Variants in PCDH11X observed in about 807,000 individuals in gnomAD.
PCDH11X encodes the protein protocadherin-11 X-linked.
Under a neutral mutation model 53.3 loss-of-function variants are expected in PCDH11X, and 18 were observed. The ratio of observed to expected loss-of-function variants is 0.34; its 90% confidence interval spans 0.23 to 0.50. The LOEUF (loss-of-function observed/expected upper bound fraction) is 0.50, where lower values mean the gene tolerates loss of function less well. Among genes scored for constraint, PCDH11X ranks in the 20% least tolerant of loss-of-function variants. The pLI is 0.98. For synonymous variants in PCDH11X, 279 were observed against 393.3 expected, an observed-to-expected ratio of 0.71 and a Z score of 3.44; for missense variants, 570 against 1,032.4, an observed-to-expected ratio of 0.55 and a Z score of 6.14.
intron 5 of PCDH11X, among the ~76,000 whole-genome samples, chrX:91,859,044 T>C (rs1189658504): frequency 9.3e-6 from 1 of 107,987 alleles, no homozygotes; most frequent in Non-Finnish European, 1.9e-5. Context: ...CTGGGTAATT[T>C]ATAAAGAAAA....
At chrX:92,089,246 A>G (rs2064007335) in intron 6 of PCDH11X, among the ~76,000 whole-genome samples, 2 of 111,566 alleles carry the variant, frequency 1.8e-5, no homozygotes, top group Admixed American at 9.6e-5. Flanking sequence ...ATATCCATTC[A>G]TTAAAACTGA....
intron 7 of PCDH11X, among the ~76,000 whole-genome samples, chrX:92,219,276 A>G (rs2066806094): frequency 9.0e-6 from 1 of 110,956 alleles, no homozygotes; most frequent in African/African-American, 3.3e-5. Context: ...TGCAGATGAC[A>G]TGATTGTATA....
At chrX:92,500,999 A>G (rs2073950170) in intron 10 of PCDH11X, among the ~76,000 whole-genome samples, 1 of 111,409 alleles carries the variant, frequency 9.0e-6, no homozygotes. Flanking sequence ...AAAGAAGAAT[A>G]GAAAGAATAA....
At chrX:92,563,065 T>G (rs1370632809) in intron 10 of PCDH11X, among the ~76,000 whole-genome samples, 2 of 83,474 alleles carry the variant, frequency 2.4e-5, no homozygotes, top group Admixed American at 1.4e-4. Context: ...TTTTTTTTTT[T>G]TTTTTTTTTT....
At chrX:92,172,835 A>G (rs945626365) in intron 6 of PCDH11X, among the ~76,000 whole-genome samples, 5 of 111,934 alleles carry the variant, frequency 4.5e-5, no homozygotes, top group Non-Finnish European at 9.4e-5. Flanking sequence ...TTTTACATGC[A>G]TGGAAGTATC....
At chrX:91,814,202 A>G (rs1307768927) in intron 4 of PCDH11X, among the ~76,000 whole-genome samples, 1 of 110,926 alleles carries the variant, frequency 9.0e-6, no homozygotes, top group Non-Finnish European at 1.9e-5. Flanking sequence ...TTAAAAATTT[A>G]AATATTAATT....
intron 6 of PCDH11X, among the ~76,000 whole-genome samples, chrX:91,886,970 CAA>C (rs1179014012): frequency 3.9e-5 from 2 of 50,693 alleles, no homozygotes; most frequent in African/African-American, 1.0e-4. Context: ...GACTCCATCT[CAA>C]AAAAAAAAAA....
intron 5 of PCDH11X, among the ~76,000 whole-genome samples, chrX:91,841,506 G>A (rs1367182440): frequency 3.6e-5 from 4 of 111,390 alleles, no homozygotes; most frequent in Non-Finnish European, 5.7e-5. Context: ...ATTAGATACA[G>A]ATGTATTGAT....
chrX:92,575,684 C>T (rs181278654), intron 10 of PCDH11X, among the ~76,000 whole-genome samples: 1 of 106,397 alleles, frequency 9.4e-6, no homozygotes, highest in African/African-American at 3.4e-5. Flanking sequence ...ACTAACTCAA[C>T]TTCCTCATTC....
At chrX:92,236,164 G>A (rs1247324693) in intron 7 of PCDH11X, among the ~76,000 whole-genome samples, 7 of 110,645 alleles carry the variant, frequency 6.3e-5, no homozygotes, top group African/African-American at 1.3e-4. Flanking sequence ...TTTGAACATC[G>A]GAAGAACAAA....
intron 6 of PCDH11X, among the ~76,000 whole-genome samples, chrX:92,032,379 T>C (rs2063064978): frequency 9.0e-6 from 1 of 111,401 alleles, no homozygotes; most frequent in Admixed American, 9.6e-5. Flanking sequence ...AGAGTGTTCT[T>C]GTGGGGTCCT....
At chrX:92,175,179 G>T (rs1252001483) in intron 6 of PCDH11X, among the ~76,000 whole-genome samples, 2 of 111,142 alleles carry the variant, frequency 1.8e-5, no homozygotes, top group East Asian at 5.7e-4. Context: ...GTTTCTCCAT[G>T]TTGGCCAGGC....
chrX:92,560,907 T>G (rs1407396502), intron 10 of PCDH11X, among the ~76,000 whole-genome samples: 1 of 108,518 alleles, frequency 9.2e-6, no homozygotes, highest in African/African-American at 3.4e-5. Flanking sequence ...CTGTGCTGGC[T>G]TCAGATCTGG....
At chrX:92,151,261 C>A (rs1464215924) in intron 6 of PCDH11X, among the ~76,000 whole-genome samples, 1 of 110,568 alleles carries the variant, frequency 9.0e-6, no homozygotes, top group African/African-American at 3.3e-5. Context: ...GGCGCCATCT[C>A]GGCTCACTGC....
intron 7 of PCDH11X, among the ~76,000 whole-genome samples, chrX:92,225,669 C>T (rs1050865749): frequency 1.8e-5 from 2 of 110,797 alleles, no homozygotes; most frequent in Non-Finnish European, 3.8e-5. Context: ...TTAAGAACAA[C>T]GACATAAGAT....
chrX:92,271,708 A>C (rs998271995), intron 8 of PCDH11X, among the ~76,000 whole-genome samples: 1 of 112,226 alleles, frequency 8.9e-6, no homozygotes, highest in Non-Finnish European at 1.9e-5. Context: ...TGTCTCTTAC[A>C]GTCATATTTT....
At position 91,821,043 on chromosome X, in the gene PCDH11X, G is replaced by T. The variant is rs754573958; in HGVS notation, c.-45+9748G>T. Among the ~76,000 whole-genome samples the T allele has an allele frequency of 5.5e-4, 58 of 106,052 alleles. 1 individual carries two copies. Among genetic ancestry groups the T allele is most frequent in the African/African-American group, 2.1e-3 (56 of 26,323 alleles). 92.1% of individuals were successfully genotyped at this position (106,052 alleles called of 115,157 possible). A position where few individuals can be genotyped will look rare whatever the true frequency, so the allele number is the denominator to read the frequency against. ...TTCCATTGATCTATATCTCTGTTTTGGTACCAGTACCATGCTGTTTTGGTT... is the reference window on the plus strand; with the variant it reads ...TTCCATTGATCTATATCTCTGTTTTTGTACCAGTACCATGCTGTTTTGGTT... On this transcript the variant is annotated intron_variant, in intron 4 of 10. Transcript: ENST00000682573.
chrX:92,253,207 C>A (rs1291405070), intron 7 of PCDH11X, among the ~76,000 whole-genome samples: 1 of 111,012 alleles, frequency 9.0e-6, no homozygotes, highest in Non-Finnish European at 1.9e-5. Flanking sequence ...CTGTTTTTTC[C>A]CCAGTATTTG....
At chrX:92,507,370 C>T (rs2750868) in intron 10 of PCDH11X, among the ~76,000 whole-genome samples, 1 of 110,930 alleles carries the variant, frequency 9.0e-6, no homozygotes, top group African/African-American at 3.3e-5. Flanking sequence ...GGGCTATAAA[C>T]GTTCCTTTTA....
Sources: gnomAD v4.1 joint callset for allele counts (sites outside exome capture counted in the v4.1 genomes callset) on GRCh38, gnomAD v4.1.1 for gene constraint, MANE v1.5 for transcripts, NCBI Gene and HGNC (gene_info 2026-07-23, HGNC 2026-07-21) for gene names.